The following LINGO2 variants were observed in gnomAD, a reference collection of about 807,000 sequenced individuals.
LINGO2 encodes leucine-rich repeat and immunoglobulin-like domain-containing nogo receptor-interacting protein 2.
In LINGO2, 14 loss-of-function variants were observed where a neutral mutation model predicts 30.6. That is an observed-to-expected ratio of 0.46 (90% CI 0.30 to 0.72). The LOEUF is 0.72. LINGO2 is among the 30% of genes least tolerant of loss of function. LINGO2 has a pLI of 0.07. For synonymous variants in LINGO2, 317 were observed against 288.5 expected (o/e 1.10, Z -1.00); for missense variants, 729 against 751.7 (o/e 0.97, Z 0.35).
chr9:28,169,777 G>T (rs1828530800), intron 4 of LINGO2, among the ~76,000 whole-genome samples: 1 of 152,152 alleles, frequency 6.6e-6, no homozygotes, highest in Non-Finnish European at 1.5e-5. Context: ...TAAAGAATAT[G>T]CTGTTTTATG....
At chr9:28,553,835 G>A (rs191610423) in intron 1 of LINGO2, among the ~76,000 whole-genome samples, 40 of 152,148 alleles carry the variant, frequency 2.6e-4, no homozygotes, top group African/African-American at 7.7e-4. Context: ...GAGACTGGGG[G>A]CCGATATTCA....
intron 1 of LINGO2, among the ~76,000 whole-genome samples, chr9:28,579,243 G>A (rs62559699): frequency 0.037 from 5,559 of 152,018 alleles, 124 homozygotes; most frequent in African/African-American, 0.049. Context: ...AGGCCTCCAC[G>A]TGAGGCTTTC....
chr9:28,937,554 G>T, the LINGO2 span, among the ~76,000 whole-genome samples: 585 of 152,188 alleles, frequency 3.8e-3, 5 homozygotes, highest in African/African-American at 0.013. Context: ...TCCCAATAGG[G>T]TGGCAGCCTC....
chr9:28,202,968 T>A (rs1820289133), intron 4 of LINGO2, among the ~76,000 whole-genome samples: 1 of 152,206 alleles, frequency 6.6e-6, no homozygotes, highest in African/African-American at 2.4e-5. Context: ...AGCAGGGGCT[T>A]TGTTTGGTTC....
intron 4 of LINGO2, among the ~76,000 whole-genome samples, chr9:28,189,629 GAGGGAGGA>G (rs1564029345): frequency 8.0e-4 from 4 of 4,988 alleles, no homozygotes; most frequent in South Asian, 0.023. Flanking sequence ...GGGAGGAAGG[GAGGGAGGA>G]AGGAAGGGAG....
At chr9:28,877,143 G>A in the LINGO2 span, among the ~76,000 whole-genome samples, 1 of 149,358 alleles carries the variant, frequency 6.7e-6, no homozygotes, top group Non-Finnish European at 1.5e-5. Flanking sequence ...TTTAGATTCT[G>A]GATATTAGCC....
chr9:28,363,424 T>C (rs541309989), intron 3 of LINGO2, among the ~76,000 whole-genome samples: 25 of 152,346 alleles, frequency 1.6e-4, no homozygotes, highest in South Asian at 4.1e-4. Context: ...TAGTATGTAA[T>C]TTGATTTGAG....
chr9:28,787,288 A>C, the LINGO2 span, among the ~76,000 whole-genome samples: 1 of 152,296 alleles, frequency 6.6e-6, no homozygotes, highest in African/African-American at 2.4e-5. Flanking sequence ...CAAAAACTTA[A>C]CATGCACTTG....
At chr9:28,186,678 G>A (rs1172349251) in intron 4 of LINGO2, among the ~76,000 whole-genome samples, 2 of 152,062 alleles carry the variant, frequency 1.3e-5, no homozygotes, top group African/African-American at 4.8e-5. Context: ...AGACTTCAAT[G>A]AGTAGAGAAT....
At chr9:28,300,487 T>A (rs1417961241) in intron 3 of LINGO2, among the ~76,000 whole-genome samples, 1 of 152,122 alleles carries the variant, frequency 6.6e-6, no homozygotes, top group Non-Finnish European at 1.5e-5. Flanking sequence ...CTTTACCAAT[T>A]AAAATAGGCC....
At chr9:28,249,751 G>A (rs1176296103) in intron 4 of LINGO2, among the ~76,000 whole-genome samples, 1 of 152,082 alleles carries the variant, frequency 6.6e-6, no homozygotes, top group Non-Finnish European at 1.5e-5. Flanking sequence ...GAAACAATGA[G>A]TTATCATTCT....
At chr9:28,548,978 T>G (rs1173937320) in intron 1 of LINGO2, among the ~76,000 whole-genome samples, 1 of 152,068 alleles carries the variant, frequency 6.6e-6, no homozygotes, top group African/African-American at 2.4e-5. Context: ...CTGCTTTCAC[T>G]GTATAGATAT....
rs374677835 is a variant in LINGO2, at chr9:28,444,083, T to C, written c.-279+31857A>G. 5.6e-4 allele frequency among the ~76,000 whole-genome samples: 85 copies of C among 152,310 alleles called. 1 individual carries two copies. The South Asian group carries it at 0.017, about 31-fold the overall frequency. ...TACCAACTTTGGGTGTCCTGAGAGC[T>C]GTTCCGTCACTCAATAAAGTTCCTC... On this transcript the variant is annotated intron_variant, in intron 2 of 5. Transcript: ENST00000379992.
intron 4 of LINGO2, among the ~76,000 whole-genome samples, chr9:28,245,431 T>C (rs1004600695): frequency 1.1e-4 from 16 of 152,108 alleles, no homozygotes; most frequent in Non-Finnish European, 1.3e-4. Flanking sequence ...CTATTCAACA[T>C]AGTATTGGAA....
intron 4 of LINGO2, among the ~76,000 whole-genome samples, chr9:28,080,426 G>C (rs1273056960): frequency 2.0e-5 from 3 of 152,060 alleles, no homozygotes; most frequent in Non-Finnish European, 4.4e-5. Context: ...AGAGACTGTA[G>C]ATTTTTCTGG....
the LINGO2 span, among the ~76,000 whole-genome samples, chr9:28,718,783 A>T: frequency 6.6e-6 from 1 of 152,008 alleles, no homozygotes; most frequent in Non-Finnish European, 1.5e-5. Context: ...ACAATGTGTG[A>T]ACAAATGAGC....
the LINGO2 span, among the ~76,000 whole-genome samples, chr9:29,080,177 G>A: frequency 0.013 from 1,970 of 152,120 alleles, 16 homozygotes; most frequent in Non-Finnish European, 0.021. Context: ...TCTTGGGAGG[G>A]GGTATGTGAC....
the LINGO2 span, among the ~76,000 whole-genome samples, chr9:28,690,526 T>C: frequency 6.6e-6 from 1 of 152,186 alleles, no homozygotes; most frequent in Non-Finnish European, 1.5e-5. Flanking sequence ...CATTTCTTAG[T>C]AGGAAAATTT....
At chr9:29,198,092 T>C in the LINGO2 span, among the ~76,000 whole-genome samples, 1 of 152,130 alleles carries the variant, frequency 6.6e-6, no homozygotes, top group Admixed American at 6.6e-5. Flanking sequence ...TATTTTTAAT[T>C]CAATTTATAA....
Sources: allele counts gnomAD v4.1 joint callset (sites outside exome capture counted in the v4.1 genomes callset), GRCh38; gene constraint gnomAD v4.1.1; transcripts MANE v1.5; gene names NCBI Gene and HGNC (gene_info 2026-07-23, HGNC 2026-07-21).